POU5F2: variants seen among roughly 807,000 people sequenced by gnomAD.
The protein encoded by POU5F2 is POU domain class 5, transcription factor 2, also known as POU domain, class 5, transcription factor 2.
For synonymous variants in POU5F2, 191 were observed against 178.7 expected, an observed-to-expected ratio of 1.07 and a Z score of -0.55; for missense variants, 401 against 426.6, an observed-to-expected ratio of 0.94 and a Z score of 0.53.
At position 93,734,493 on chromosome 5, in the gene POU5F2, A is replaced by T. The variant is rs1026690853; in HGVS notation, c.*6084T>A. On this transcript the variant is annotated 3_prime_UTR_variant, in exon 1 of 1. Coordinates refer to ENST00000606183, the MANE Select transcript of POU5F2 (RefSeq NM_153216.2). Reference sequence around the variant, plus strand: ...TGAACCATCTTTAAAGAAAATGCACATATGTACAAAAACATTATTCTGCTT... The same window carrying T: ...TGAACCATCTTTAAAGAAAATGCACTTATGTACAAAAACATTATTCTGCTT... The T allele has an allele frequency of 1.8e-4, 28 of 152,336 alleles. No homozygotes were observed. The highest frequency in any genetic ancestry group is 6.7e-4 in the African/African-American group (28 of 41,580). The allele number at this position is 152,336 out of a possible 1,614,324, so 9.4% of individuals were successfully genotyped here.
In POU5F2 at chr5:93,737,119, G is replaced by A. The variant is rs1747383787; in HGVS notation, c.*3458C>T. ...GTCGCAGGATACAAAATCAACACAG[G>A]AAAATCAGTTGTATTTCTATCCATT... is the stretch of plus-strand genomic sequence containing the variant. On this transcript the variant is annotated 3_prime_UTR_variant, in exon 1 of 1. Coordinates refer to ENST00000606183, the MANE Select transcript of POU5F2 (RefSeq NM_153216.2). 6.6e-6 allele frequency: 1 copy of A among 152,110 alleles called. No homozygotes were observed. Among genetic ancestry groups the A allele is most frequent in the African/African-American group, 2.4e-5 (1 of 41,406 alleles). The allele number at this position is 152,110 out of a possible 1,614,324, so 9.4% of individuals were successfully genotyped here. A position where few individuals can be genotyped will look rare whatever the true frequency, so the allele number is the denominator to read the frequency against.
chr5:93,738,783 A>G lies in POU5F2; in HGVS notation c.*1794T>C, dbSNP rs1747765722. On this transcript the variant is annotated 3_prime_UTR_variant, in exon 1 of 1. Coordinates refer to ENST00000606183, the MANE Select transcript of POU5F2 (RefSeq NM_153216.2). ...AATTCACAGAAAGGTTACCAGGGGT[A>G]GGGGATAGGGGAATGGAGTTATTGC... is the stretch of plus-strand genomic sequence containing the variant. 6.6e-6 allele frequency: 1 copy of G among 152,240 alleles called. No homozygotes were observed. Among genetic ancestry groups the G allele is most frequent in the African/African-American group, 2.4e-5 (1 of 41,446 alleles). 9.4% of individuals were successfully genotyped at this position (152,240 alleles called of 1,614,324 possible).
In POU5F2 at chr5:93,740,995, T is replaced by G; in HGVS notation, c.569A>C (p.Glu190Ala). The change falls in exon 1 of 1, where the codon GAA becomes GCA. Residue 190 changes from glutamate to alanine, a missense_variant. Physicochemically the swap from Glu to Ala is moderately radical, Grantham distance 107. Transcript: ENST00000606183. ...LRPLLKKWLK[E>A]VEAENLLGLC... The stretch of plus-strand genomic sequence containing the variant: ...GCCCAGAAGGTTCTCTGCTTCCACT[T>G]CCTTCAGCCACTTTTTCAGCAGTGG... 10 of 1,613,812 alleles carry G rather than the reference T, an allele frequency of 6.2e-6. No individual in the cohort carries two copies. Among genetic ancestry groups the G allele is most frequent in the Non-Finnish European group, 7.6e-6 (9 of 1,179,882 alleles).
the POU5F2 span, chr5:93,740,974 AGAAGGTT>A: frequency 6.2e-7 from 1 of 1,613,794 alleles, no homozygotes; most frequent in African/African-American, 1.3e-5. Context: ...GCATAAGCCC[AGAAGGTT>A]CTCTGCTTCC....
rs2149600152 is a variant in POU5F2 at position 93,739,325 on chromosome 5, G to A, written c.*1252C>T. The A allele has an allele frequency of 6.6e-6, 1 of 151,712 alleles. No homozygotes were observed. The highest frequency in any genetic ancestry group is 2.1e-4 in the South Asian group (1 of 4,816). 9.4% of individuals were successfully genotyped at this position (151,712 alleles called of 1,614,324 possible). ...CAATGAAAGAAACCAGAAGAAACTA[G>A]GAAAAAATTAAGAAGAATGAAGTAA... On this transcript the variant is annotated 3_prime_UTR_variant, in exon 1 of 1. Coordinates refer to ENST00000606183, the MANE Select transcript of POU5F2 (RefSeq NM_153216.2).
chr5:93,734,413 A>T lies in POU5F2; in HGVS notation c.*6164T>A, dbSNP rs944230270. 4 of 152,210 alleles carry T rather than the reference A, an allele frequency of 2.6e-5. No homozygotes were observed. Among genetic ancestry groups the T allele is most frequent in the Non-Finnish European group, 4.4e-5 (3 of 68,036 alleles). 9.4% of individuals were successfully genotyped at this position (152,210 alleles called of 1,614,324 possible). ...AAGGGAAGGTGCTTCTTAAATTCTG[A>T]AACTGTAGATCTAAAGAAGAGCCAC... On this transcript the variant is annotated 3_prime_UTR_variant, in exon 1 of 1. Coordinates refer to ENST00000606183, the MANE Select transcript of POU5F2 (RefSeq NM_153216.2).
Position 93,741,001 on chromosome 5 carries a change from A to T in POU5F2, c.563T>A (p.Leu188Gln), listed in dbSNP as rs760352735. 6.2e-7 allele frequency: 1 copy of T among 1,613,750 alleles called. No homozygotes were observed. The highest frequency in any genetic ancestry group is 8.5e-7 in the Non-Finnish European group (1 of 1,179,852). The change falls in exon 1 of 1, where the codon CTG becomes CAG. Residue 188 changes from leucine to glutamine, a missense_variant. Physicochemically the swap from Leu to Gln is moderately radical, Grantham distance 113. Transcript: ENST00000606183. Reference protein sequence around the residue: ...WKLRPLLKKWLKEVEAENLLG... With the variant: ...WKLRPLLKKWQKEVEAENLLG... ...AAGGTTCTCTGCTTCCACTTCCTTC[A>T]GCCACTTTTTCAGCAGTGGTCGCAG...
Position 93,740,881 on chromosome 5 carries a change from A to C in POU5F2, c.683T>G (p.Phe228Cys), listed in dbSNP as rs1297922567. Reference protein sequence around the residue: ...ERRIGNSLEKFFQRCPKPTPQ... With the variant: ...ERRIGNSLEKCFQRCPKPTPQ... ...TGTGGGCTTAGGGCACCGCTGGAAG[A>C]ATTTCTCCAGGCTGTTTCCGATTCG... Residue 228 changes from phenylalanine (F) to cysteine (C), a missense_variant, in exon 1 of 1, where the codon TTC (phenylalanine) becomes TGC (cysteine). Coordinates refer to ENST00000606183, the MANE Select transcript of POU5F2 (RefSeq NM_153216.2). The C allele has an allele frequency of 6.2e-7, 1 of 1,613,762 alleles. No individual in the cohort carries two copies. Among genetic ancestry groups the C allele is most frequent in the Non-Finnish European group, 8.5e-7 (1 of 1,179,870 alleles).
Position 93,736,013 on chromosome 5 carries a change from G to C in POU5F2, c.*4564C>G, listed in dbSNP as rs149905984. On this transcript the variant is annotated 3_prime_UTR_variant, in exon 1 of 1. Coordinates refer to ENST00000606183, the MANE Select transcript of POU5F2 (RefSeq NM_153216.2). Reference sequence around the variant, plus strand: ...TAAGAGCAGACATTAAGTTTTTCTTGAGCACTGATGTAGCCCTAAGGATAA... The same window carrying C: ...TAAGAGCAGACATTAAGTTTTTCTTCAGCACTGATGTAGCCCTAAGGATAA... 17 of 152,160 alleles carry C rather than the reference G, an allele frequency of 1.1e-4. No homozygotes were observed. The East Asian group carries it at 3.3e-3, about 29-fold the overall frequency. 9.4% of individuals were successfully genotyped at this position (152,160 alleles called of 1,614,324 possible). A position where few individuals can be genotyped will look rare whatever the true frequency, so the allele number is the denominator to read the frequency against.
At position 93,734,516 on chromosome 5, in the gene POU5F2, C is replaced by T. The variant is rs888113266; in HGVS notation, c.*6061G>A. 10 of 152,138 alleles carry T rather than the reference C, an allele frequency of 6.6e-5. No homozygotes were observed. The highest frequency in any genetic ancestry group is 5.9e-4 in the Admixed American group (9 of 15,270). The allele number at this position is 152,138 out of a possible 1,614,324, so 9.4% of individuals were successfully genotyped here. ...ACATATGTACAAAAACATTATTCTG[C>T]TTATACTCTAAAGGGGCTCAGCATC... is the stretch of plus-strand genomic sequence containing the variant. On this transcript the variant is annotated 3_prime_UTR_variant, in exon 1 of 1. Transcript: ENST00000606183.
At position 93,740,445 on chromosome 5, in the gene POU5F2, T is replaced by C. The variant is rs1373031556; in HGVS notation, c.*132A>G. ...ATTCCCACCCCCATTCCCTACTATG[T>C]ATCCTTAACTTCTTTAGACAGTGAA... is the stretch of plus-strand genomic sequence containing the variant. On this transcript the variant is annotated 3_prime_UTR_variant, in exon 1 of 1. Coordinates refer to ENST00000606183, the MANE Select transcript of POU5F2 (RefSeq NM_153216.2). 3 of 977,298 alleles carry C rather than the reference T, an allele frequency of 3.1e-6. No homozygotes were observed. Among genetic ancestry groups the C allele is most frequent in the East Asian group, 5.1e-5 (2 of 39,398 alleles). 60.5% of individuals were successfully genotyped at this position (977,298 alleles called of 1,614,324 possible).
Position 93,734,356 on chromosome 5 carries a change from C to T in POU5F2, c.*6221G>A, listed in dbSNP as rs1008925076. ...CCAGAAATTACCTATTATATAGGTACTGTCAAAAGAAATCATTTGAAAAAG... is the reference window on the plus strand; with the variant it reads ...CCAGAAATTACCTATTATATAGGTATTGTCAAAAGAAATCATTTGAAAAAG... On this transcript the variant is annotated 3_prime_UTR_variant, in exon 1 of 1. Transcript: ENST00000606183. 3 of 152,090 alleles carry T rather than the reference C, an allele frequency of 2.0e-5. No homozygotes were observed. Among genetic ancestry groups the T allele is most frequent in the African/African-American group, 7.2e-5 (3 of 41,422 alleles). The allele number at this position is 152,090 out of a possible 1,614,324, so 9.4% of individuals were successfully genotyped here.
rs1477800204 is a variant in POU5F2 at position 93,735,344 on chromosome 5, T to C, written c.*5233A>G. 6.6e-6 allele frequency: 1 copy of C among 152,250 alleles called. No individual in the cohort carries two copies. The highest frequency in any genetic ancestry group is 6.5e-5 in the Admixed American group (1 of 15,288). 9.4% of individuals were successfully genotyped at this position (152,250 alleles called of 1,614,324 possible). ...TTATGTGAAGCTGATTAGTGACACA[T>C]AGAGGCTTTGCCTAAGCAGAGGTGG... On this transcript the variant is annotated 3_prime_UTR_variant, in exon 1 of 1. Coordinates refer to ENST00000606183, the MANE Select transcript of POU5F2 (RefSeq NM_153216.2).
Position 93,733,725 on chromosome 5 carries a change from C to G in POU5F2, c.*6852G>C, listed in dbSNP as rs1373201780. 2 of 152,114 alleles carry G rather than the reference C, an allele frequency of 1.3e-5. No individual in the cohort carries two copies. Among genetic ancestry groups the G allele is most frequent in the African/African-American group, 4.8e-5 (2 of 41,436 alleles). 9.4% of individuals were successfully genotyped at this position (152,114 alleles called of 1,614,324 possible). ...CCTAAATCTTTACCTTCGAAATTTCCTTAACTATCTTCCTAAGTTTTATTC... is the reference window on the plus strand; with the variant it reads ...CCTAAATCTTTACCTTCGAAATTTCGTTAACTATCTTCCTAAGTTTTATTC... On this transcript the variant is annotated 3_prime_UTR_variant, in exon 1 of 1. Transcript: ENST00000606183.
Position 93,741,354 on chromosome 5 carries a change from G to C in POU5F2, c.210C>G (p.His70Gln), listed in dbSNP as rs1200537256. The C allele has an allele frequency of 1.2e-6, 2 of 1,611,184 alleles. No individual in the cohort carries two copies. The highest frequency in any genetic ancestry group is 8.5e-7 in the Non-Finnish European group (1 of 1,178,272). Reference sequence around the variant, plus strand: ...AGGGTGCTATCCAGCCCCGGAATTCGTGTGGCAGGGGACCCAGGGGAATCC... The same window carrying C: ...AGGGTGCTATCCAGCCCCGGAATTCCTGTGGCAGGGGACCCAGGGGAATCC... ...VWRIPLGPLP[H>Q]EFRGWIAPCR... Residue 70 changes from histidine (H) to glutamine (Q), a missense_variant, in exon 1 of 1, where the codon CAC becomes CAG. Coordinates refer to ENST00000606183, the MANE Select transcript of POU5F2 (RefSeq NM_153216.2).
At position 93,740,601 on chromosome 5, in the gene POU5F2, G is replaced by T. The variant is rs1366025103; in HGVS notation, c.963C>A (p.Thr321=). Residue 321 remains threonine, a synonymous_variant, in exon 1 of 1, where the codon ACC becomes ACA. Transcript: ENST00000606183. ...AGVAHSSAPA[T]TLGLLRF is the part of the protein sequence containing the mutation. Reference sequence around the variant, plus strand: ...CCTAAAATCTGAGGAGGCCCAGAGTGGTGGCTGGGGCAGAGGAGTGGGCTA... The same window carrying T: ...CCTAAAATCTGAGGAGGCCCAGAGTTGTGGCTGGGGCAGAGGAGTGGGCTA... 6.3e-7 allele frequency: 1 copy of T among 1,598,880 alleles called. No homozygotes were observed. Among genetic ancestry groups the T allele is most frequent in the Non-Finnish European group, 8.6e-7 (1 of 1,167,372 alleles).
rs1166482114 is a variant in POU5F2 at position 93,735,601 on chromosome 5, C to T, written c.*4976G>A. 6.6e-6 allele frequency: 1 copy of T among 152,250 alleles called. No homozygotes were observed. Among genetic ancestry groups the T allele is most frequent in the Admixed American group, 6.5e-5 (1 of 15,286 alleles). The allele number at this position is 152,250 out of a possible 1,614,324, so 9.4% of individuals were successfully genotyped here. A position where few individuals can be genotyped will look rare whatever the true frequency, so the allele number is the denominator to read the frequency against. On this transcript the variant is annotated 3_prime_UTR_variant, in exon 1 of 1. Transcript: ENST00000606183. ...CTGCTGAAACATCTCCTTTCTAAGG[C>T]TTTCCAGAAGGGCTGTCTAGGAAAA...
rs1748307022 is a variant in POU5F2, at chr5:93,740,997, C to T, written c.567G>A (p.Lys189=). Residue 189 remains lysine (K), a synonymous_variant, in exon 1 of 1, where the codon AAG becomes AAA. Coordinates refer to ENST00000606183, the MANE Select transcript of POU5F2 (RefSeq NM_153216.2). ...KLRPLLKKWL[K]EVEAENLLGL... ...CCAGAAGGTTCTCTGCTTCCACTTC[C>T]TTCAGCCACTTTTTCAGCAGTGGTC... 1.9e-6 allele frequency: 3 copies of T among 1,613,858 alleles called. No homozygotes were observed. Among genetic ancestry groups the T allele is most frequent in the Non-Finnish European group, 1.7e-6 (2 of 1,179,886 alleles).
In POU5F2 at chr5:93,738,454, C is replaced by T. The variant is rs1747691455; in HGVS notation, c.*2123G>A. 1 of 152,146 alleles carries T rather than the reference C, an allele frequency of 6.6e-6. No individual in the cohort carries two copies. Among genetic ancestry groups the T allele is most frequent in the African/African-American group, 2.4e-5 (1 of 41,430 alleles). 9.4% of individuals were successfully genotyped at this position (152,146 alleles called of 1,614,324 possible). ...GAAATTCCACTCCTATGTATACATCCAAGAGAACTGAAACAACAGATAAAC... is the reference window on the plus strand; with the variant it reads ...GAAATTCCACTCCTATGTATACATCTAAGAGAACTGAAACAACAGATAAAC... On this transcript the variant is annotated 3_prime_UTR_variant, in exon 1 of 1. Transcript: ENST00000606183.
Sources: allele counts gnomAD v4.1 joint callset, GRCh38; gene constraint gnomAD v4.1.1; transcripts MANE v1.5; gene names NCBI Gene and HGNC (gene_info 2026-07-23, HGNC 2026-07-21).